Variants in FHIT observed in about 807,000 individuals in gnomAD.
The protein encoded by FHIT is fragile histidine triad diadenosine triphosphatase, also known as bis(5'-adenosyl)-triphosphatase.
FHIT carries 19 observed loss-of-function variants against 17.9 expected under a neutral mutation model. That is an observed-to-expected ratio of 1.06 (90% CI 0.74 to 1.56). FHIT has a LOEUF of 1.56. Ranked by LOEUF, FHIT falls within the 40% of genes most tolerant of loss-of-function variation. FHIT has a pLI of 0.00. For synonymous variants in FHIT, 81 were observed against 69.7 expected (o/e 1.16, Z -0.81); for missense variants, 248 against 189.2 (o/e 1.31, Z -1.82).
rs1180314702 is a variant in FHIT at position 60,441,761 on chromosome 3, T to C, written c.103+95099A>G. On this transcript the variant is annotated intron_variant, in intron 5 of 9. Coordinates refer to ENST00000492590, the MANE Select transcript of FHIT (RefSeq NM_002012.4). Reference sequence around the variant, plus strand: ...ATATATATTTATATATATAAAAATATATATATATTTATATGTATAAAAATA... The same window carrying C: ...ATATATATTTATATATATAAAAATACATATATATTTATATGTATAAAAATA... 7.1e-5 allele frequency among the ~76,000 whole-genome samples: 4 copies of C among 56,654 alleles called. No homozygotes were observed. In the Admixed American group the frequency reaches 7.7e-4, roughly 11 times the overall value. 37.2% of individuals were successfully genotyped at this position (56,654 alleles called of 152,430 possible). A position where few individuals can be genotyped will look rare whatever the true frequency, so the allele number is the denominator to read the frequency against.
intron 5 of FHIT, among the ~76,000 whole-genome samples, chr3:60,501,581 T>C (rs1341873585): frequency 6.6e-6 from 1 of 152,192 alleles, no homozygotes; most frequent in Non-Finnish European, 1.5e-5. Flanking sequence ...TGAGTTCCAC[T>C]TCCTGGCTCC....
At chr3:60,055,961 G>T (rs3843360) in intron 5 of FHIT, among the ~76,000 whole-genome samples, 58,193 of 152,034 alleles carry the variant, frequency 0.38, 12,037 homozygotes, top group Middle Eastern at 0.54. Context: ...GTCCAGACAC[G>T]TGAAATACCA....
chr3:59,990,681 A>G (rs1394789046), intron 7 of FHIT, among the ~76,000 whole-genome samples: 1 of 152,076 alleles, frequency 6.6e-6, no homozygotes, highest in Non-Finnish European at 1.5e-5. Context: ...AGATAGAGCA[A>G]CATGAGCAAA....
At chr3:60,525,052 A>G (rs769410661) in intron 5 of FHIT, among the ~76,000 whole-genome samples, 6 of 152,184 alleles carry the variant, frequency 3.9e-5, no homozygotes, top group Non-Finnish European at 7.3e-5. Context: ...CTTGTCAATC[A>G]CTGTGATAAC....
At chr3:60,159,420 C>T (rs940815976) in intron 5 of FHIT, among the ~76,000 whole-genome samples, 2 of 152,074 alleles carry the variant, frequency 1.3e-5, no homozygotes, top group African/African-American at 4.8e-5. Flanking sequence ...AATGCCCAGC[C>T]GATGTGTGTT....
intron 3 of FHIT, among the ~76,000 whole-genome samples, chr3:60,986,273 T>A (rs1041493283): frequency 6.6e-6 from 1 of 152,166 alleles, no homozygotes; most frequent in African/African-American, 2.4e-5. Context: ...TGAATTACTA[T>A]CACTATCAAA....
At chr3:60,647,504 C>T (rs907315949) in intron 4 of FHIT, among the ~76,000 whole-genome samples, 1 of 152,132 alleles carries the variant, frequency 6.6e-6, no homozygotes, top group Non-Finnish European at 1.5e-5. Flanking sequence ...CCCTCAAGTC[C>T]AGGGTTCTTT....
chr3:59,921,635 C>T (rs1478835339), intron 8 of FHIT, among the ~76,000 whole-genome samples: 2 of 144,316 alleles, frequency 1.4e-5, no homozygotes, highest in Non-Finnish European at 3.0e-5. Context: ...TCTTTGGCTA[C>T]AATAAACAGG....
At chr3:60,785,970 T>G in intron 4 of FHIT, among the ~76,000 whole-genome samples, 1 of 149,136 alleles carries the variant, frequency 6.7e-6, no homozygotes, top group East Asian at 2.0e-4. Context: ...AACAAAGAGA[T>G]TATCTACAGA....
rs1704528094 is a variant in FHIT, at chr3:60,232,121, T to A, written c.104-217969A>T. Among the ~76,000 whole-genome samples the A allele has an allele frequency of 2.6e-5, 4 of 152,182 alleles. No homozygotes were observed. In the South Asian group the frequency reaches 8.3e-4, roughly 32 times the overall value. ...AGAAATGGTATGTGCCACATTATTTTTCAAGCCAGCCCTGATGTCATTTGT... is the reference window on the plus strand; with the variant it reads ...AGAAATGGTATGTGCCACATTATTTATCAAGCCAGCCCTGATGTCATTTGT... On this transcript the variant is annotated intron_variant, in intron 5 of 9. Coordinates refer to ENST00000492590, the MANE Select transcript of FHIT (RefSeq NM_002012.4).
At chr3:61,194,107 GT>G (rs2038790091) in intron 2 of FHIT, among the ~76,000 whole-genome samples, 1 of 152,106 alleles carries the variant, frequency 6.6e-6, no homozygotes, top group South Asian at 2.1e-4. Context: ...TGGCCTCTCT[GT>G]GTAACGTTCT....
chr3:61,084,913 T>A (rs1219829635), intron 2 of FHIT, among the ~76,000 whole-genome samples: 1 of 152,200 alleles, frequency 6.6e-6, no homozygotes, highest in African/African-American at 2.4e-5. Context: ...TATAGATTCT[T>A]TTGTGTCTGG....
chr3:59,976,362 G>A (rs1231560390), intron 7 of FHIT, among the ~76,000 whole-genome samples: 2 of 152,030 alleles, frequency 1.3e-5, no homozygotes, highest in Admixed American at 1.3e-4. Context: ...CATTCTTAAT[G>A]TCTTGGGCAA....
chr3:59,861,193 C>G (rs1349012736), intron 8 of FHIT, among the ~76,000 whole-genome samples: 1 of 152,080 alleles, frequency 6.6e-6, no homozygotes, highest in African/African-American at 2.4e-5. Flanking sequence ...ATTTCAAAGA[C>G]AGCTAAAACA....
At chr3:60,373,277 G>A (rs1700412207) in intron 5 of FHIT, among the ~76,000 whole-genome samples, 1 of 152,064 alleles carries the variant, frequency 6.6e-6, no homozygotes, top group Admixed American at 6.6e-5. Context: ...GTAAGGATAG[G>A]GTCAGAGAAG....
intron 8 of FHIT, among the ~76,000 whole-genome samples, chr3:59,835,477 T>C (rs903004344): frequency 1.3e-5 from 2 of 152,178 alleles, no homozygotes; most frequent in Non-Finnish European, 2.9e-5. Context: ...AAGGCCTTTA[T>C]GCTGAAGCTA....
At chr3:60,454,897 A>C (rs1322718121) in intron 5 of FHIT, among the ~76,000 whole-genome samples, 1 of 151,952 alleles carries the variant, frequency 6.6e-6, no homozygotes, top group Admixed American at 6.6e-5. Context: ...CACTTACGCA[A>C]GTTTTACCAT....
chr3:59,807,915 G>A (rs987047910), intron 8 of FHIT, among the ~76,000 whole-genome samples: 3 of 152,196 alleles, frequency 2.0e-5, no homozygotes, highest in African/African-American at 7.2e-5. Flanking sequence ...TATGTCTGTG[G>A]TGAAACATAC....
At chr3:59,987,266 G>A (rs997335497) in intron 7 of FHIT, among the ~76,000 whole-genome samples, 1 of 150,866 alleles carries the variant, frequency 6.6e-6, no homozygotes, top group Non-Finnish European at 1.5e-5. Flanking sequence ...CATCATACTA[G>A]CTATTTCTTG....
Sources: gnomAD v4.1 joint callset for allele counts (sites outside exome capture counted in the v4.1 genomes callset) on GRCh38, gnomAD v4.1.1 for gene constraint, MANE v1.5 for transcripts, NCBI Gene and HGNC (gene_info 2026-07-23, HGNC 2026-07-21) for gene names.